PHLPP2: variants seen among roughly 807,000 people sequenced by gnomAD.
PHLPP2 encodes the protein PH domain leucine-rich repeat-containing protein phosphatase 2.
PHLPP2 carries 66 observed loss-of-function variants against 124.9 expected under a neutral mutation model. That is an observed-to-expected ratio of 0.53 (90% confidence interval 0.43 to 0.65). PHLPP2 has a LOEUF of 0.65. Ranked by LOEUF, PHLPP2 falls within the 30% of genes least tolerant of loss-of-function variation. The pLI, the probability that PHLPP2 is intolerant of heterozygous loss-of-function variation, is 0.00. For missense variants in PHLPP2, 1,685 were observed against 1,600.4 expected, an observed-to-expected ratio of 1.05 and a Z score of -0.90; for synonymous variants, 681 against 624.7, an observed-to-expected ratio of 1.09 and a Z score of -1.34.
intron 1 of PHLPP2, among the ~76,000 whole-genome samples, chr16:71,722,878 T>C (rs1423037394): frequency 6.6e-6 from 1 of 152,164 alleles, no homozygotes; most frequent in African/African-American, 2.4e-5. Flanking sequence ...AACCCCTCCC[T>C]TTAACCATCT....
chr16:71,711,253 C>T (rs573796728), intron 2 of PHLPP2, among the ~76,000 whole-genome samples: 98 of 152,046 alleles, frequency 6.4e-4, no homozygotes, highest in Non-Finnish European at 1.0e-3. Context: ...ATCGCTTGAA[C>T]CCAGGAGGCA....
chr16:71,713,743 T>C (rs1451692453), intron 2 of PHLPP2, among the ~76,000 whole-genome samples: 1 of 152,118 alleles, frequency 6.6e-6, no homozygotes, highest in African/African-American at 2.4e-5. Context: ...ATAATATATG[T>C]AGAGACACAT....
intron 9 of PHLPP2, among the ~76,000 whole-genome samples, chr16:71,673,649 T>C (rs941284314): frequency 6.6e-6 from 1 of 152,180 alleles, no homozygotes; most frequent in African/African-American, 2.4e-5. Context: ...AGTATTTAAA[T>C]ACTATTAAAA....
At position 71,649,116 on chromosome 16, in the gene PHLPP2, T is replaced by G; in HGVS notation, c.3746A>C (p.Glu1249Ala). 1 of 1,614,144 alleles carries G rather than the reference T, an allele frequency of 6.2e-7. No homozygotes were observed. Among genetic ancestry groups the G allele is most frequent in the Non-Finnish European group, 8.5e-7 (1 of 1,179,992 alleles). ...CACTTCAATGAGGTTCAGGCTGTCCTCTAGGGGCACAATAGAGCCATTGGA... is the reference window on the plus strand; with the variant it reads ...CACTTCAATGAGGTTCAGGCTGTCCGCTAGGGGCACAATAGAGCCATTGGA... ...KLSNGSIVPL[E>A]DSLNLIEVAT... The change falls in exon 19 of 19, where the codon GAG (glutamate) becomes GCG (alanine). Residue 1249 changes from glutamate to alanine, a missense_variant. Coordinates refer to ENST00000568954, the MANE Select transcript of PHLPP2 (RefSeq NM_015020.3).
chr16:71,677,457 T>C (rs2044957185), intron 8 of PHLPP2: 1 of 1,078 alleles, frequency 9.3e-4, no homozygotes, highest in African/African-American at 3.0e-3. Flanking sequence ...TCTGCACATA[T>C]ATATATATAT....
intron 4 of PHLPP2, 94 bp from the exon 5 acceptor site, chr16:71,684,695 T>C: frequency 3.3e-6 from 4 of 1,200,736 alleles, no homozygotes; most frequent in South Asian, 3.0e-5. Flanking sequence ...ACTGAATTTT[T>C]AAAAATAGTT....
rs191847544 is a variant in PHLPP2, at chr16:71,669,377, A to G, written c.1533-7T>C. The G allele has an allele frequency of 8.4e-4, 1,327 of 1,588,670 alleles. 10 individuals carry two copies. Among genetic ancestry groups the G allele is most frequent in the Middle Eastern group, 8.2e-3 (49 of 6,002 alleles). On this transcript the variant is annotated splice_region_variant and splice_polypyrimidine_tract_variant and intron_variant, in intron 10 of 18. Transcript: ENST00000568954. The stretch of plus-strand genomic sequence containing the variant: ...GACACACTCTAGCAGGTTTCTGCAG[A>G]AAATAAATAATTAAATGGCACCATT...
chr16:71,718,878 C>T (rs1351294559), intron 1 of PHLPP2, among the ~76,000 whole-genome samples: 2 of 152,302 alleles, frequency 1.3e-5, no homozygotes, highest in South Asian at 2.1e-4. Flanking sequence ...CCGATGGGCA[C>T]TTAAAAGGCC....
chr16:71,710,836 A>G (rs778351201), intron 2 of PHLPP2, among the ~76,000 whole-genome samples: 3 of 152,240 alleles, frequency 2.0e-5, no homozygotes, highest in Non-Finnish European at 4.4e-5. Context: ...TTTACAGATT[A>G]CTACACTGAA....
At chr16:71,668,298 C>T (rs1182052208) in intron 11 of PHLPP2, among the ~76,000 whole-genome samples, 1 of 151,506 alleles carries the variant, frequency 6.6e-6, no homozygotes, top group African/African-American at 2.4e-5. Context: ...TGCCTGTAGT[C>T]CCAGCTACTC....
rs11301738 is a variant in PHLPP2 at position 71,648,604 on chromosome 16, TAA to T, written c.*284_*285del. 6,469 of 288,604 alleles carry T rather than the reference TAA, an allele frequency of 0.022. No homozygotes were observed. Among genetic ancestry groups the T allele is most frequent in the South Asian group, 0.045 (559 of 12,506 alleles). The allele number at this position is 288,604 out of a possible 1,614,324, so 17.9% of individuals were successfully genotyped here. A position where few individuals can be genotyped will look rare whatever the true frequency, so the allele number is the denominator to read the frequency against. ...GGCCAACATGGTGAAACCCCGTCTC[TAA>T]AAAAAAAAAATAAAACTTAGCCGGG... On this transcript the variant is annotated 3_prime_UTR_variant, in exon 19 of 19. Transcript: ENST00000568954.
At chr16:71,653,562 G>T (rs79074017) in intron 17 of PHLPP2, among the ~76,000 whole-genome samples, 2 of 152,150 alleles carry the variant, frequency 1.3e-5, no homozygotes, top group South Asian at 4.1e-4. Flanking sequence ...CCACGCGTCT[G>T]TACTTGGAAA....
chr16:71,714,399 T>G lies in PHLPP2; in HGVS notation c.284+113A>C, dbSNP rs957858371. The stretch of plus-strand genomic sequence containing the variant: ...AGGACAAATCTTGAAGCCCAGTGAG[T>G]CCGTAATCAACATCAGTTCCGGCAG... On this transcript the variant is annotated intron_variant, in intron 2 of 18. Transcript: ENST00000568954. 5.9e-6 allele frequency: 8 copies of G among 1,357,704 alleles called. No homozygotes were observed. The East Asian group carries it at 2.1e-4, about 35-fold the overall frequency. 84.1% of individuals were successfully genotyped at this position (1,357,704 alleles called of 1,614,324 possible).
chr16:71,679,929 A>T (rs1189999359), intron 6 of PHLPP2, among the ~76,000 whole-genome samples: 1 of 152,074 alleles, frequency 6.6e-6, no homozygotes, highest in Non-Finnish European at 1.5e-5. Context: ...AAAAAACAGA[A>T]AAAATTAGCC....
chr16:71,714,450 A>C (rs1167482567), intron 2 of PHLPP2, 62 bp downstream of exon 2: 5 of 1,485,394 alleles, frequency 3.4e-6, no homozygotes, highest in African/African-American at 1.4e-5. Flanking sequence ...GTCCAGTTCT[A>C]AGCAGAAACA....
At position 71,649,014 on chromosome 16, in the gene PHLPP2, A is replaced by G. The variant is rs780842467; in HGVS notation, c.3848T>C (p.Val1283Ala). Residue 1283 changes from valine to alanine, a missense_variant, in exon 19 of 19, where the codon GTG (valine) becomes GCG (alanine). Val to Ala is a moderately conservative substitution (Grantham distance 64). Coordinates refer to ENST00000568954, the MANE Select transcript of PHLPP2 (RefSeq NM_015020.3). Reference sequence around the variant, plus strand: ...CACTTCTTCTTCCAGGTCATGAGGCACAACAAACTGGTCCTCTGGTTCCAT... The same window carrying G: ...CACTTCTTCTTCCAGGTCATGAGGCGCAACAAACTGGTCCTCTGGTTCCAT... The part of the protein sequence containing the change: ...TQMEPEDQFV[V>A]PHDLEEEVKE... The G allele has an allele frequency of 6.2e-7, 1 of 1,614,094 alleles. No homozygotes were observed. Among genetic ancestry groups the G allele is most frequent in the Non-Finnish European group, 8.5e-7 (1 of 1,180,004 alleles).
chr16:71,683,169 CAA>C (rs1025500382), intron 5 of PHLPP2, among the ~76,000 whole-genome samples: 2 of 131,686 alleles, frequency 1.5e-5, no homozygotes, highest in African/African-American at 2.8e-5. Context: ...ACTCTGTCTC[CAA>C]AAAAAAAAAG....
chr16:71,648,844 C>T lies in PHLPP2; in HGVS notation c.*46G>A. 2 of 1,439,224 alleles carry T rather than the reference C, an allele frequency of 1.4e-6. No homozygotes were observed. Among genetic ancestry groups the T allele is most frequent in the Non-Finnish European group, 9.7e-7 (1 of 1,031,746 alleles). 89.2% of individuals were successfully genotyped at this position (1,439,224 alleles called of 1,614,324 possible). Reference sequence around the variant, plus strand: ...GCAGAATGCCTCTAGCAAGTCCCTACCCCAACCCTGCACAGCCTCCTCCCA... The same window carrying T: ...GCAGAATGCCTCTAGCAAGTCCCTATCCCAACCCTGCACAGCCTCCTCCCA... On this transcript the variant is annotated 3_prime_UTR_variant, in exon 19 of 19. Coordinates refer to ENST00000568954, the MANE Select transcript of PHLPP2 (RefSeq NM_015020.3).
intron 15 of PHLPP2, among the ~76,000 whole-genome samples, chr16:71,657,771 C>T (rs2044754635): frequency 6.6e-6 from 1 of 152,092 alleles, no homozygotes; most frequent in Non-Finnish European, 1.5e-5. Flanking sequence ...AAGTAGTATG[C>T]TGAACTACTG....
Sources: allele counts gnomAD v4.1 joint callset (sites outside exome capture counted in the v4.1 genomes callset), GRCh38; gene constraint gnomAD v4.1.1; transcripts MANE v1.5; gene names NCBI Gene and HGNC (gene_info 2026-07-23, HGNC 2026-07-21).